Variants in KCTD13 observed in about 807,000 individuals in gnomAD.
KCTD13 encodes the protein potassium channel tetramerization domain containing 13, also known as BTB/POZ domain-containing adapter for CUL3-mediated RhoA degradation protein 1.
A neutral mutation model predicts 32.3 loss-of-function variants in KCTD13; 15 were observed. The observed-to-expected ratio is 0.46, with a 90% confidence interval of 0.31 to 0.71. The LOEUF is 0.71. Among genes scored for constraint, KCTD13 ranks in the 30% least tolerant of loss-of-function variants. The pLI is 0.05. For missense variants in KCTD13, 337 were observed against 452.6 expected (o/e 0.74, Z 2.32); for synonymous variants, 189 against 200.1 (o/e 0.94, Z 0.47).
At chr16:29,923,942 A>T (rs897611867) in intron 1 of KCTD13, among the ~76,000 whole-genome samples, 3 of 152,174 alleles carry the variant, frequency 2.0e-5, no homozygotes, top group Admixed American at 6.5e-5. Context: ...TGGGAGGCCG[A>T]GGTGGGCGGA....
Position 29,918,888 on chromosome 16 carries a change from G to C in KCTD13, c.414+4302C>G, listed in dbSNP as rs1296609917. 3.3e-5 allele frequency among the ~76,000 whole-genome samples: 5 copies of C among 151,412 alleles called. No individual in the cohort carries two copies. In the East Asian group the frequency reaches 7.7e-4, roughly 23 times the overall value. On this transcript the variant is annotated intron_variant, in intron 2 of 5. Transcript: ENST00000568000. ...TTGGCCAGGCTGGTCTTGAACTCCTGACCTTGTGATCCACCTGCCTCAGCC... is the reference window on the plus strand; with the variant it reads ...TTGGCCAGGCTGGTCTTGAACTCCTCACCTTGTGATCCACCTGCCTCAGCC...
intron 1 of KCTD13, among the ~76,000 whole-genome samples, chr16:29,923,896 C>T (rs2068954897): frequency 6.6e-6 from 1 of 151,194 alleles, no homozygotes. Context: ...AAAAGAAGGC[C>T]GGGCACGGTG....
chr16:29,925,646 G>A, intron 1 of KCTD13, 144 bp downstream of exon 1: 2 of 740,530 alleles, frequency 2.7e-6, no homozygotes, highest in South Asian at 3.4e-5. Flanking sequence ...GAGATGGGAT[G>A]TGGGGGCTGG....
chr16:29,913,342 A>G (rs1163954502), intron 2 of KCTD13: 1 of 152,214 alleles, frequency 6.6e-6, no homozygotes, highest in Admixed American at 6.5e-5. Context: ...CAGTTCGGGC[A>G]CAGAAACAAA....
chr16:29,908,859 A>AT (rs548853368), intron 5 of KCTD13, among the ~76,000 whole-genome samples: 6 of 149,060 alleles, frequency 4.0e-5, no homozygotes, highest in South Asian at 4.3e-4. Flanking sequence ...TGTCCAGTTA[A>AT]TTTTTTTTTA....
At chr16:29,925,623 T>C (rs977854653) in intron 1 of KCTD13, 167 bp downstream of exon 1, 2 of 644,964 alleles carry the variant, frequency 3.1e-6, no homozygotes, top group Admixed American at 5.5e-5. Context: ...AAATTATGAA[T>C]GAGAAAGGGG....
In KCTD13 at chr16:29,906,837, C is replaced by A. The variant is rs780033627; in HGVS notation, c.*35G>T. ...GAGGGAAAGAGAGAGGGACTGGGTC[C>A]CAAGGCAAGAGGAAGGCAGGGGGAG... On this transcript the variant is annotated 3_prime_UTR_variant, in exon 6 of 6. Coordinates refer to ENST00000568000, the MANE Select transcript of KCTD13 (RefSeq NM_178863.5). 2.7e-5 allele frequency: 42 copies of A among 1,584,842 alleles called. No individual in the cohort carries two copies. The highest frequency in any genetic ancestry group is 1.6e-5 in the Non-Finnish European group (18 of 1,155,024).
rs1428311913 is a variant in KCTD13 at position 29,925,994 on chromosome 16, G to C, written c.40C>G (p.Pro14Ala). 1 of 1,590,668 alleles carries C rather than the reference G, an allele frequency of 6.3e-7. No individual in the cohort carries two copies. Among genetic ancestry groups the C allele is most frequent in the Non-Finnish European group, 8.5e-7 (1 of 1,169,958 alleles). The change falls in exon 1 of 6, where the codon CCG becomes GCG. Residue 14 changes from proline to alanine, a missense_variant. By Grantham distance (27) the Pro-to-Ala change is conservative (BLOSUM62 -1). This residue lies in a region of KCTD13 where 64 missense variants were observed against 59.6 expected (regional missense o/e 1.07). Transcript: ENST00000568000. ...EASGPAAAAA[P>A]SLEAPKPSGL... ...GAGGGCTTGGGGGCTTCCAGGGACG[G>C]GGCCGCGGCGGCAGCCGGGCCCGAG...
In KCTD13 at chr16:29,906,822, G is replaced by T. The variant is rs771799055; in HGVS notation, c.*50C>A. The T allele has an allele frequency of 1.3e-6, 2 of 1,521,120 alleles. No individual in the cohort carries two copies. The highest frequency in any genetic ancestry group is 9.1e-7 in the Non-Finnish European group (1 of 1,100,540). 94.2% of individuals were successfully genotyped at this position (1,521,120 alleles called of 1,614,324 possible). The stretch of plus-strand genomic sequence containing the variant: ...AAAGTCTGGGAAGGGGAGGGAAAGA[G>T]AGAGGGACTGGGTCCCAAGGCAAGA... On this transcript the variant is annotated 3_prime_UTR_variant, in exon 6 of 6. Transcript: ENST00000568000.
intron 5 of KCTD13, among the ~76,000 whole-genome samples, chr16:29,908,938 C>T (rs1294686478): frequency 6.6e-6 from 1 of 151,962 alleles, no homozygotes; most frequent in Non-Finnish European, 1.5e-5. Flanking sequence ...TAATGGTCCC[C>T]TGCCTCAGCC....
intron 2 of KCTD13, among the ~76,000 whole-genome samples, chr16:29,917,453 C>T (rs1176715987): frequency 1.3e-5 from 2 of 152,040 alleles, no homozygotes; most frequent in Non-Finnish European, 2.9e-5. Flanking sequence ...TTGAGACCAG[C>T]TTGACCAACA....
At position 29,911,459 on chromosome 16, in the gene KCTD13, A is replaced by T. The variant is rs1195765750; in HGVS notation, c.558-286T>A. On this transcript the variant is annotated intron_variant, in intron 4 of 5. Transcript: ENST00000568000. Reference sequence around the variant, plus strand: ...TGTCCCCATTTTTTAACTGGGTGACACTAGGCAAGTTACTTCACCTCTTGG... The same window carrying T: ...TGTCCCCATTTTTTAACTGGGTGACTCTAGGCAAGTTACTTCACCTCTTGG... The T allele has an allele frequency of 7.1e-6, 4 of 561,234 alleles. No individual in the cohort carries two copies. The Admixed American group carries it at 9.9e-5, about 14-fold the overall frequency. 34.8% of individuals were successfully genotyped at this position (561,234 alleles called of 1,614,324 possible). A position where few individuals can be genotyped will look rare whatever the true frequency, so the allele number is the denominator to read the frequency against.
chr16:29,924,185 AAAAG>A lies in KCTD13; in HGVS notation c.245-830_245-827del, dbSNP rs1306343716. On this transcript the variant is annotated intron_variant, in intron 1 of 5. Transcript: ENST00000568000. ...GTGAAACTCCATCTCAAAAAAAAAG[AAAAG>A]AAAAGAAAAGAAAAGAAAAAGGATT... 8.2e-3 allele frequency among the ~76,000 whole-genome samples: 1,194 copies of A among 146,244 alleles called. 13 individuals carry two copies. Among genetic ancestry groups the A allele is most frequent in the African/African-American group, 0.028 (1,128 of 39,740 alleles).
At chr16:29,911,422 C>T (rs890004512) in intron 4 of KCTD13, 7 of 563,118 alleles carry the variant, frequency 1.2e-5, no homozygotes, top group African/African-American at 3.8e-5. Flanking sequence ...GCCACCTCCC[C>T]GGGGGTCCTG....
At chr16:29,910,519 G>A (rs2068689192) in intron 5 of KCTD13, among the ~76,000 whole-genome samples, 1 of 151,990 alleles carries the variant, frequency 6.6e-6, no homozygotes, top group Non-Finnish European at 1.5e-5. Context: ...CACCACACCT[G>A]GCTAAATTTT....
At chr16:29,911,897 G>T in intron 3 of KCTD13, 30 bp from the exon 4 acceptor site, 3 of 1,611,070 alleles carry the variant, frequency 1.9e-6, no homozygotes, top group Non-Finnish European at 2.5e-6. Context: ...GGACGAGAGG[G>T]GTGAGGCTGC....
chr16:29,911,840 T>C lies in KCTD13; in HGVS notation c.532A>G (p.Ser178Gly). 6.2e-7 allele frequency: 1 copy of C among 1,612,686 alleles called. No homozygotes were observed. ...CTGGTGTAGGAGTACTTGTTGTTAC[T>C]GCGGTTGTGCAGGAGCTTCACCACG... is the stretch of plus-strand genomic sequence containing the variant. Reference protein sequence around the residue: ...KPVVKLLHNRSNNKYSYTSTS... With the variant: ...KPVVKLLHNRGNNKYSYTSTS... Residue 178 changes from serine (S) to glycine (G), a missense_variant, in exon 4 of 6, where the codon AGT becomes GGT. Physicochemically the swap from Ser to Gly is moderately conservative, Grantham distance 56. Coordinates refer to ENST00000568000, the MANE Select transcript of KCTD13 (RefSeq NM_178863.5).
chr16:29,925,219 C>T (rs553364009), intron 1 of KCTD13, among the ~76,000 whole-genome samples: 244 of 152,302 alleles, frequency 1.6e-3, no homozygotes, highest in Middle Eastern at 3.4e-3. Flanking sequence ...GGAGACCTGT[C>T]CACCCTCCAC....
intron 1 of KCTD13, 55 bp downstream of exon 1, chr16:29,925,735 G>A: frequency 1.9e-6 from 3 of 1,563,314 alleles, no homozygotes; most frequent in Middle Eastern, 1.9e-4. Flanking sequence ...GAGAGACTGC[G>A]GGGAACGGGA....
Sources: gnomAD v4.1 joint callset for allele counts (sites outside exome capture counted in the v4.1 genomes callset) on GRCh38, gnomAD v4.1.1 for gene constraint, gnomAD v4.1.1 regional missense constraint, MANE v1.5 for transcripts, NCBI Gene and HGNC (gene_info 2026-07-23, HGNC 2026-07-21) for gene names.